Variants in HS3ST3A1 observed in about 807,000 individuals in gnomAD.
The protein encoded by HS3ST3A1 is heparan sulfate-glucosamine 3-sulfotransferase 3A1.
A neutral mutation model predicts 25.7 loss-of-function variants in HS3ST3A1; 19 were observed. The observed-to-expected ratio is 0.74, with a 90% confidence interval of 0.52 to 1.08. The LOEUF is 1.08. Among genes scored for constraint, HS3ST3A1 ranks in the 50% least tolerant of loss-of-function variants. HS3ST3A1 has a pLI of 0.00. For missense variants in HS3ST3A1, 459 were observed against 594.3 expected, an observed-to-expected ratio of 0.77 and a Z score of 2.37; for synonymous variants, 226 against 278.6, an observed-to-expected ratio of 0.81 and a Z score of 1.88.
At chr17:13,545,968 C>A (rs1380135543) in intron 1 of HS3ST3A1, among the ~76,000 whole-genome samples, 1 of 151,988 alleles carries the variant, frequency 6.6e-6, no homozygotes, top group African/African-American at 2.4e-5. Context: ...CAGAGCGAGT[C>A]TCCTTCTCAA....
intron 1 of HS3ST3A1, among the ~76,000 whole-genome samples, chr17:13,581,766 CA>C (rs1191213936): frequency 1.2e-4 from 19 of 152,272 alleles, no homozygotes; most frequent in African/African-American, 4.6e-4. Context: ...TTTGGTCTAT[CA>C]GATAAGTATT....
At chr17:13,552,435 C>T (rs1907270236) in intron 1 of HS3ST3A1, among the ~76,000 whole-genome samples, 1 of 152,166 alleles carries the variant, frequency 6.6e-6, no homozygotes, top group Non-Finnish European at 1.5e-5. Context: ...ATAACCTAAG[C>T]ACCAGGCATG....
intron 1 of HS3ST3A1, among the ~76,000 whole-genome samples, chr17:13,594,590 G>A (rs967569342): frequency 6.6e-6 from 1 of 152,120 alleles, no homozygotes; most frequent in Non-Finnish European, 1.5e-5. Flanking sequence ...CAGACACAGA[G>A]GCAAAACACA....
At position 13,519,156 on chromosome 17, in the gene HS3ST3A1, G is replaced by A. The variant is rs370951262; in HGVS notation, c.600-22338C>T. 1.4e-3 allele frequency among the ~76,000 whole-genome samples: 219 copies of A among 152,280 alleles called. 2 individuals carry two copies. Among genetic ancestry groups the A allele is most frequent in the African/African-American group, 4.9e-3 (203 of 41,570 alleles). ...GTACCCTCTAAGAAATTGAATTGCT[G>A]TTTTTGCTTTGATCCATTTTCTCTG... On this transcript the variant is annotated intron_variant, in intron 1 of 1. Coordinates refer to ENST00000284110, the MANE Select transcript of HS3ST3A1 (RefSeq NM_006042.3).
At chr17:13,528,948 G>A (rs940952651) in intron 1 of HS3ST3A1, among the ~76,000 whole-genome samples, 6 of 151,950 alleles carry the variant, frequency 3.9e-5, no homozygotes, top group South Asian at 4.2e-4. Flanking sequence ...GGGATGAAGC[G>A]GGGAGATAAA....
At chr17:13,537,300 T>C (rs1042647375) in intron 1 of HS3ST3A1, among the ~76,000 whole-genome samples, 1 of 152,234 alleles carries the variant, frequency 6.6e-6, no homozygotes, top group African/African-American at 2.4e-5. Flanking sequence ...TCGTGTGGCA[T>C]ATTTTATGCA....
chr17:13,542,502 G>A (rs773549897), intron 1 of HS3ST3A1, among the ~76,000 whole-genome samples: 8 of 152,048 alleles, frequency 5.3e-5, no homozygotes, highest in East Asian at 1.9e-4. Flanking sequence ...GAGAGAGGTC[G>A]CGGGAGAGAA....
intron 1 of HS3ST3A1, among the ~76,000 whole-genome samples, chr17:13,564,383 G>T (rs1907624489): frequency 6.6e-6 from 1 of 151,998 alleles, no homozygotes; most frequent in African/African-American, 2.4e-5. Context: ...TTTGATTACA[G>T]TTGTCCCTTG....
intron 1 of HS3ST3A1, among the ~76,000 whole-genome samples, chr17:13,579,943 TAAAAAAAAAAA>T (rs66568347): frequency 1.2e-5 from 1 of 81,948 alleles, no homozygotes; most frequent in Non-Finnish European, 2.2e-5. Context: ...TGACTCTGTC[TAAAAAAAAAAA>T]AAAAAAAAAA....
intron 1 of HS3ST3A1, among the ~76,000 whole-genome samples, chr17:13,598,245 G>A (rs547065209): frequency 2.0e-5 from 3 of 152,220 alleles, no homozygotes; most frequent in South Asian, 4.2e-4. Context: ...TAATATTTAA[G>A]TGGCATTCTG....
rs1908692294 is a variant in HS3ST3A1 at position 13,600,550 on chromosome 17, TGTC to T, written c.577_579del (p.Asp193del). On this transcript the variant is annotated inframe_deletion, in exon 1 of 2. Coordinates refer to ENST00000284110, the MANE Select transcript of HS3ST3A1 (RefSeq NM_006042.3). ...GCTCACCGGTACCAGGCGAGGCCCT[TGTC>T]GTAGCTGCGGTCGAAGAAGTGGGGC... 1 of 1,600,342 alleles carries T rather than the reference TGTC, an allele frequency of 6.2e-7. No individual in the cohort carries two copies. The highest frequency in any genetic ancestry group is 8.5e-7 in the Non-Finnish European group (1 of 1,177,950).
At chr17:13,581,651 A>G (rs1908118085) in intron 1 of HS3ST3A1, among the ~76,000 whole-genome samples, 1 of 152,174 alleles carries the variant, frequency 6.6e-6, no homozygotes, top group Non-Finnish European at 1.5e-5. Context: ...GGACTGAATA[A>G]ATATTTTTAC....
chr17:13,520,361 T>C (rs945072086), intron 1 of HS3ST3A1, among the ~76,000 whole-genome samples: 1 of 152,234 alleles, frequency 6.6e-6, no homozygotes, highest in Non-Finnish European at 1.5e-5. Context: ...AAAGCTACAG[T>C]ATGTTTGAAG....
At chr17:13,567,311 T>C (rs779210856) in intron 1 of HS3ST3A1, among the ~76,000 whole-genome samples, 1 of 152,226 alleles carries the variant, frequency 6.6e-6, no homozygotes, top group Non-Finnish European at 1.5e-5. Context: ...ATCTAAATAT[T>C]ACTACTCATT....
chr17:13,526,474 T>TTATATATATATATATATA (rs58701744), intron 1 of HS3ST3A1, among the ~76,000 whole-genome samples: 3 of 76,294 alleles, frequency 3.9e-5, no homozygotes, highest in Admixed American at 3.1e-4. Flanking sequence ...ACTTTAATTT[T>TTATATATATATATATATA]TATATATATA....
chr17:13,495,723 G>A lies in HS3ST3A1; in HGVS notation c.*474C>T, dbSNP rs1347475482. The A allele has an allele frequency of 6.5e-6, 1 of 153,090 alleles. No homozygotes were observed. Among genetic ancestry groups the A allele is most frequent in the African/African-American group, 2.4e-5 (1 of 41,406 alleles). The allele number at this position is 153,090 out of a possible 1,614,324, so 9.5% of individuals were successfully genotyped here. On this transcript the variant is annotated 3_prime_UTR_variant, in exon 2 of 2. Coordinates refer to ENST00000284110, the MANE Select transcript of HS3ST3A1 (RefSeq NM_006042.3). ...TTTTTTTATTTTAATGATCAAAAAG[G>A]TGTATTTGAAAGCACTATGAAAACT...
At chr17:13,565,439 G>A (rs549096813) in intron 1 of HS3ST3A1, among the ~76,000 whole-genome samples, 18 of 152,322 alleles carry the variant, frequency 1.2e-4, no homozygotes, top group African/African-American at 3.4e-4. Flanking sequence ...GGCTGAGGAA[G>A]GAGGATCACT....
At chr17:13,525,668 C>A (rs1906389468) in intron 1 of HS3ST3A1, among the ~76,000 whole-genome samples, 1 of 152,122 alleles carries the variant, frequency 6.6e-6, no homozygotes, top group Non-Finnish European at 1.5e-5. Flanking sequence ...GCAGGACATT[C>A]ATTCTGATCC....
chr17:13,532,537 G>T (rs1237804970), intron 1 of HS3ST3A1, among the ~76,000 whole-genome samples: 1 of 152,100 alleles, frequency 6.6e-6, no homozygotes, highest in Non-Finnish European at 1.5e-5. Flanking sequence ...GTGAGGAAAT[G>T]AGTTTTCCAG....
Sources: allele counts gnomAD v4.1 joint callset (sites outside exome capture counted in the v4.1 genomes callset), GRCh38; gene constraint gnomAD v4.1.1; transcripts MANE v1.5; gene names NCBI Gene and HGNC (gene_info 2026-07-23, HGNC 2026-07-21).